IQGAP2: variants seen among roughly 807,000 people sequenced by gnomAD.
The protein encoded by IQGAP2 is IQ motif containing GTPase activating protein 2.
Under a neutral mutation model 201.3 loss-of-function variants are expected in IQGAP2, and 173 were observed. That is an observed-to-expected ratio of 0.86 (90% CI 0.76 to 0.98). The LOEUF (loss-of-function observed/expected upper bound fraction) is 0.98. Among genes scored for constraint, IQGAP2 ranks in the 50% least tolerant of loss-of-function variants. The probability of loss-of-function intolerance (pLI) is 0.00; values close to 1 mark genes in which losing one functional copy is unlikely to be tolerated. For synonymous variants in IQGAP2, 675 were observed against 673.9 expected, an observed-to-expected ratio of 1.00 and a Z score of -0.03; for missense variants, 1,687 against 1,864.8, an observed-to-expected ratio of 0.90 and a Z score of 1.76.
intron 5 of IQGAP2, among the ~76,000 whole-genome samples, chr5:76,581,454 G>C (rs1437031331): frequency 6.6e-6 from 1 of 152,212 alleles, no homozygotes; most frequent in Non-Finnish European, 1.5e-5. Context: ...GAGGGAGGCA[G>C]TTGCACCTGC....
At chr5:76,411,823 G>T (rs1751137556) in intron 1 of IQGAP2, among the ~76,000 whole-genome samples, 1 of 152,192 alleles carries the variant, frequency 6.6e-6, no homozygotes, top group Non-Finnish European at 1.5e-5. Flanking sequence ...CCACTGACTA[G>T]AGATAAAGCA....
rs542014839 is a variant in IQGAP2 at position 76,412,098 on chromosome 5, A to G, written c.46+8507A>G. On this transcript the variant is annotated intron_variant, in intron 1 of 35. Transcript: ENST00000274364. ...TTCACAATTTTTAGAACTGTTGAAT[A>G]TGTTAGCAGAGATATTATTTGATAG... 4.7e-4 allele frequency among the ~76,000 whole-genome samples: 71 copies of G among 152,318 alleles called. No individual in the cohort carries two copies. The South Asian group carries it at 0.011, about 24-fold the overall frequency.
intron 27 of IQGAP2, among the ~76,000 whole-genome samples, chr5:76,676,076 G>GTCTC (rs199552504): frequency 3.6e-4 from 31 of 85,516 alleles, no homozygotes; most frequent in African/African-American, 1.2e-3. Flanking sequence ...GTAAGACTCT[G>GTCTC]TCACACACAC....
At chr5:76,554,740 C>T (rs1743819843) in intron 2 of IQGAP2, among the ~76,000 whole-genome samples, 1 of 152,090 alleles carries the variant, frequency 6.6e-6, no homozygotes, top group Non-Finnish European at 1.5e-5. Flanking sequence ...TTTTGGAAAA[C>T]AGTCTGGAAG....
At position 76,606,236 on chromosome 5, in the gene IQGAP2, C is replaced by T; in HGVS notation, c.1290C>T (p.Asn430=). 6.2e-7 allele frequency: 1 copy of T among 1,605,040 alleles called. No individual in the cohort carries two copies. ...AAGTTTTATCCCAAGGGCAAGATAA[C>T]TTAAGCTGGAATGAAATTCAGAATT... is the stretch of plus-strand genomic sequence containing the variant. The part of the protein sequence containing the change: ...KLEVLSQGQD[N]LSWNEIQNCI... The change falls in exon 12 of 36, where the codon AAC becomes AAT. Residue 430 remains asparagine, a synonymous_variant. Transcript: ENST00000274364.
intron 4 of IQGAP2, among the ~76,000 whole-genome samples, chr5:76,575,384 G>T (rs1745400718): frequency 6.6e-6 from 1 of 152,186 alleles, no homozygotes; most frequent in Non-Finnish European, 1.5e-5. Flanking sequence ...AGGAGGCAGA[G>T]CCCACATGTG....
intron 1 of IQGAP2, among the ~76,000 whole-genome samples, chr5:76,423,404 C>T (rs1462679419): frequency 2.6e-5 from 4 of 152,044 alleles, no homozygotes; most frequent in Non-Finnish European, 5.9e-5. Flanking sequence ...GGGTGGATCA[C>T]GAGATCAGGA....
chr5:76,497,356 C>T (rs932883624), intron 2 of IQGAP2, among the ~76,000 whole-genome samples: 1 of 152,092 alleles, frequency 6.6e-6, no homozygotes, highest in African/African-American at 2.4e-5. Context: ...GACCTCAAAA[C>T]TTCTTGCTTT....
intron 13 of IQGAP2, among the ~76,000 whole-genome samples, chr5:76,620,374 T>A (rs1410722055): frequency 1.3e-5 from 2 of 152,110 alleles, no homozygotes; most frequent in Admixed American, 1.3e-4. Context: ...TGGTTCTGAT[T>A]GGCTTTGGGG....
chr5:76,437,553 C>T (rs184391621), intron 1 of IQGAP2, among the ~76,000 whole-genome samples: 220 of 152,158 alleles, frequency 1.4e-3, no homozygotes, highest in African/African-American at 4.0e-3. Context: ...CAGGCCCCAC[C>T]GTGTGTTGTT....
chr5:76,536,736 G>A (rs995489498), intron 2 of IQGAP2, among the ~76,000 whole-genome samples: 1 of 151,352 alleles, frequency 6.6e-6, no homozygotes, highest in African/African-American at 2.4e-5. Flanking sequence ...CTCCAGCTTG[G>A]GCAACAAGAG....
chr5:76,589,757 A>G (rs763465400), intron 7 of IQGAP2, 29 bp downstream of exon 7: 1 of 1,311,302 alleles, frequency 7.6e-7, no homozygotes, highest in Non-Finnish European at 1.1e-6. Context: ...CAAACTTGCC[A>G]TGGATGTGAG....
intron 2 of IQGAP2, among the ~76,000 whole-genome samples, chr5:76,517,082 G>T (rs946941294): frequency 2.6e-5 from 4 of 152,022 alleles, no homozygotes; most frequent in African/African-American, 9.7e-5. Context: ...CCAACTACTG[G>T]TAGTCAGTAG....
intron 2 of IQGAP2, among the ~76,000 whole-genome samples, chr5:76,556,205 T>C (rs1001892518): frequency 2.8e-4 from 42 of 152,260 alleles, no homozygotes; most frequent in African/African-American, 8.7e-4. Context: ...CTAGAGCTCA[T>C]AGATTGGTTC....
intron 13 of IQGAP2, among the ~76,000 whole-genome samples, chr5:76,613,345 T>C (rs1000680921): frequency 2.6e-5 from 4 of 152,224 alleles, no homozygotes; most frequent in Non-Finnish European, 5.9e-5. Context: ...GACAAAGTTA[T>C]TTGCTTTGAA....
chr5:76,438,862 C>T (rs4566772), intron 1 of IQGAP2, among the ~76,000 whole-genome samples: 7 of 151,970 alleles, frequency 4.6e-5, no homozygotes, highest in Non-Finnish European at 1.0e-4. Flanking sequence ...GTTTCACTGA[C>T]GTTTTGTATT....
rs151054502 is a variant in IQGAP2, at chr5:76,616,195, A to T, written c.1521+5012A>T. The stretch of plus-strand genomic sequence containing the variant: ...TAAAAATATACGAAAGTGCTTTGGA[A>T]GTACAGATAAGAAAAGTGACACTTC... On this transcript the variant is annotated intron_variant, in intron 13 of 35. Transcript: ENST00000274364. 294 of 152,388 alleles carry T rather than the reference A, an allele frequency of 1.9e-3. 1 individual carries two copies. Among genetic ancestry groups the T allele is most frequent in the African/African-American group, 6.6e-3 (273 of 41,580 alleles). 9.4% of individuals were successfully genotyped at this position (152,388 alleles called of 1,614,324 possible). A position where few individuals can be genotyped will look rare whatever the true frequency, so the allele number is the denominator to read the frequency against.
At chr5:76,503,174 C>CTTTTTTTTTTTTTT (rs11297908) in intron 2 of IQGAP2, among the ~76,000 whole-genome samples, 1 of 109,354 alleles carries the variant, frequency 9.1e-6, no homozygotes, top group Non-Finnish European at 1.8e-5. Flanking sequence ...CTTTTCTTTT[C>CTTTTTTTTTTTTTT]TTTTTTTTTT....
intron 17 of IQGAP2, among the ~76,000 whole-genome samples, chr5:76,652,416 C>T (rs977457343): frequency 4.0e-5 from 6 of 149,100 alleles, no homozygotes; most frequent in African/African-American, 1.2e-4. Context: ...CTAGTTAATA[C>T]TGTTTATGGG....
Sources: allele counts gnomAD v4.1 joint callset (sites outside exome capture counted in the v4.1 genomes callset), GRCh38; gene constraint gnomAD v4.1.1; transcripts MANE v1.5; gene names NCBI Gene and HGNC (gene_info 2026-07-23, HGNC 2026-07-21).